LINGO2: variants seen among roughly 807,000 people sequenced by gnomAD.
The protein encoded by LINGO2 is leucine rich repeat and Ig domain containing 2.
In LINGO2, 14 loss-of-function variants were observed where a neutral mutation model predicts 30.6. The observed-to-expected ratio is 0.46, with a 90% CI of 0.30 to 0.72. The LOEUF (loss-of-function observed/expected upper bound fraction) is 0.72. Among genes scored for constraint, LINGO2 ranks in the 30% least tolerant of loss-of-function variants. The pLI is 0.07. For missense variants in LINGO2, 729 were observed against 751.7 expected (o/e 0.97, Z 0.35); for synonymous variants, 317 against 288.5 (o/e 1.10, Z -1.00).
intron 4 of LINGO2, among the ~76,000 whole-genome samples, chr9:28,271,707 G>C (rs1822947638): frequency 6.6e-6 from 1 of 152,220 alleles, no homozygotes; most frequent in East Asian, 1.9e-4. Flanking sequence ...TGGTGAAGAA[G>C]GAAGTCAAAC....
chr9:28,119,156 G>A (rs1043922385), intron 4 of LINGO2, among the ~76,000 whole-genome samples: 3 of 152,226 alleles, frequency 2.0e-5, no homozygotes, highest in East Asian at 1.9e-4. Context: ...TCTGAGTCTC[G>A]AAAAGGCATC....
the LINGO2 span, among the ~76,000 whole-genome samples, chr9:28,856,373 G>A: frequency 2.0e-5 from 3 of 151,974 alleles, no homozygotes; most frequent in Non-Finnish European, 4.4e-5. Flanking sequence ...AGCTTACAGT[G>A]TAGCAGGAGA....
chr9:28,153,148 C>T (rs1021965110), intron 4 of LINGO2, among the ~76,000 whole-genome samples: 1 of 152,032 alleles, frequency 6.6e-6, no homozygotes, highest in Admixed American at 6.6e-5. Flanking sequence ...TGTAAATTTG[C>T]ACAATTTCCC....
chr9:28,754,375 A>G, the LINGO2 span, among the ~76,000 whole-genome samples: 3 of 152,210 alleles, frequency 2.0e-5, no homozygotes, highest in African/African-American at 7.2e-5. Context: ...TTCTGAGGAC[A>G]GAAATAATTC....
chr9:29,081,397 A>C, the LINGO2 span, among the ~76,000 whole-genome samples: 2 of 152,160 alleles, frequency 1.3e-5, no homozygotes, highest in Non-Finnish European at 2.9e-5. Flanking sequence ...CATGCTATAA[A>C]CGCTCAATAA....
intron 4 of LINGO2, among the ~76,000 whole-genome samples, chr9:28,070,922 C>T (rs1185931379): frequency 6.6e-6 from 1 of 152,078 alleles, no homozygotes; most frequent in African/African-American, 2.4e-5. Context: ...TCTATGTTGT[C>T]CAGGCTGGTA....
the LINGO2 span, among the ~76,000 whole-genome samples, chr9:28,890,612 A>G: frequency 6.6e-6 from 1 of 152,062 alleles, no homozygotes; most frequent in Non-Finnish European, 1.5e-5. Flanking sequence ...AATCTCTACT[A>G]GGGCTGGGGA....
At chr9:28,506,322 T>G (rs989103058) in intron 1 of LINGO2, among the ~76,000 whole-genome samples, 24 of 149,696 alleles carry the variant, frequency 1.6e-4, no homozygotes, top group African/African-American at 5.1e-4. Context: ...TAAGAATAAG[T>G]TCTAATGAAC....
chr9:28,709,461 T>C, the LINGO2 span, among the ~76,000 whole-genome samples: 1 of 152,132 alleles, frequency 6.6e-6, no homozygotes, highest in African/African-American at 2.4e-5. Flanking sequence ...ATGTTTACTT[T>C]GGATGTATTT....
chr9:28,446,622 C>T (rs924292727), intron 2 of LINGO2, among the ~76,000 whole-genome samples: 16 of 152,148 alleles, frequency 1.1e-4, no homozygotes, highest in African/African-American at 3.1e-4. Context: ...TTTGTTATTA[C>T]GTGCTCCAAA....
the LINGO2 span, among the ~76,000 whole-genome samples, chr9:29,082,665 T>A: frequency 6.6e-6 from 1 of 151,682 alleles, no homozygotes; most frequent in Non-Finnish European, 1.5e-5. Flanking sequence ...TGGGAGAAAA[T>A]TTTTGCAATC....
intron 4 of LINGO2, among the ~76,000 whole-genome samples, chr9:28,054,675 G>A (rs1217900290): frequency 1.3e-5 from 2 of 152,036 alleles, no homozygotes; most frequent in African/African-American, 4.8e-5. Flanking sequence ...GTCAACAGTT[G>A]CCTCCCCTAA....
the LINGO2 span, among the ~76,000 whole-genome samples, chr9:29,024,500 T>A: frequency 6.6e-6 from 1 of 152,134 alleles, no homozygotes; most frequent in Admixed American, 6.6e-5. Flanking sequence ...TTACTGCTAA[T>A]TTGACTATAG....
At chr9:28,192,037 T>C (rs1448143250) in intron 4 of LINGO2, among the ~76,000 whole-genome samples, 2 of 152,076 alleles carry the variant, frequency 1.3e-5, no homozygotes, top group African/African-American at 4.8e-5. Context: ...TCCAACTGCA[T>C]ACTTGATATC....
the LINGO2 span, among the ~76,000 whole-genome samples, chr9:28,729,315 C>A: frequency 6.6e-6 from 1 of 152,108 alleles, no homozygotes. Flanking sequence ...TACATGTACT[C>A]AGAACCTAAG....
the LINGO2 span, among the ~76,000 whole-genome samples, chr9:29,083,422 G>A: frequency 2.0e-5 from 3 of 152,008 alleles, no homozygotes; most frequent in African/African-American, 4.8e-5. Context: ...ATCACACACT[G>A]GGGCCTGTTG....
intron 4 of LINGO2, among the ~76,000 whole-genome samples, chr9:28,254,572 C>A (rs117637977): frequency 0.025 from 3,858 of 152,134 alleles, 79 homozygotes; most frequent in Non-Finnish European, 0.039. Context: ...CAACTGATAG[C>A]TTTTAGAGGC....
intron 5 of LINGO2, among the ~76,000 whole-genome samples, chr9:27,995,089 A>C (rs927614440): frequency 6.6e-6 from 1 of 152,196 alleles, no homozygotes. Flanking sequence ...AAATACAAAG[A>C]ATCATTAGAG....
At chr9:28,876,184 C>G in the LINGO2 span, among the ~76,000 whole-genome samples, 2 of 151,966 alleles carry the variant, frequency 1.3e-5, no homozygotes, top group African/African-American at 4.8e-5. Context: ...TTTTCATATA[C>G]ATTATGTCAT....
Sources: gnomAD v4.1 joint callset for allele counts (sites outside exome capture counted in the v4.1 genomes callset) on GRCh38, gnomAD v4.1.1 for gene constraint, MANE v1.5 for transcripts, NCBI Gene and HGNC (gene_info 2026-07-23, HGNC 2026-07-21) for gene names.